Variants in PPFIA2 observed in about 807,000 individuals in gnomAD.
PPFIA2 encodes the protein liprin-alpha-2.
PPFIA2 carries 46 observed loss-of-function variants against 175.5 expected under a neutral mutation model. The ratio of observed to expected loss-of-function variants is 0.26; its 90% confidence interval spans 0.21 to 0.34. The LOEUF is 0.34. Among genes scored for constraint, PPFIA2 ranks in the 10% least tolerant of loss-of-function variants. PPFIA2 has a pLI of 1.00. For missense variants in PPFIA2, 1,179 were observed against 1,506.1 expected, an observed-to-expected ratio of 0.78 and a Z score of 3.60; for synonymous variants, 568 against 511.4, an observed-to-expected ratio of 1.11 and a Z score of -1.49.
At chr12:81,343,671 G>A (rs532353806) in intron 19 of PPFIA2, among the ~76,000 whole-genome samples, 23 of 152,144 alleles carry the variant, frequency 1.5e-4, no homozygotes, top group Non-Finnish European at 2.9e-4. Context: ...TTCATCTGAT[G>A]TCCCATGAGT....
At chr12:81,650,454 A>AT (rs2066870070) in intron 4 of PPFIA2, among the ~76,000 whole-genome samples, 1 of 152,082 alleles carries the variant, frequency 6.6e-6, no homozygotes, top group African/African-American at 2.4e-5. Context: ...AGTATTTTTC[A>AT]TTTTTTTCTT....
intron 3 of PPFIA2, among the ~76,000 whole-genome samples, chr12:81,685,440 T>G (rs1199314965): frequency 6.6e-6 from 1 of 152,074 alleles, no homozygotes; most frequent in South Asian, 2.1e-4. Context: ...AGGGGAAATA[T>G]CTCTTTCTTT....
At chr12:81,492,652 G>A (rs779634788) in intron 4 of PPFIA2, among the ~76,000 whole-genome samples, 4 of 152,028 alleles carry the variant, frequency 2.6e-5, no homozygotes, top group Non-Finnish European at 5.9e-5. Flanking sequence ...GAAGCAGAAG[G>A]AGCCATGAAG....
chr12:81,587,142 T>C (rs1352869504), intron 4 of PPFIA2, among the ~76,000 whole-genome samples: 1 of 152,126 alleles, frequency 6.6e-6, no homozygotes, highest in Admixed American at 6.6e-5. Flanking sequence ...GTCATTGATA[T>C]GGTTTGCATC....
At chr12:81,574,644 A>G (rs1192393263) in intron 4 of PPFIA2, among the ~76,000 whole-genome samples, 1 of 151,620 alleles carries the variant, frequency 6.6e-6, no homozygotes, top group Admixed American at 6.6e-5. Context: ...CATGAATAAC[A>G]CAGGTGTAAA....
chr12:81,530,723 C>A, intron 4 of PPFIA2, among the ~76,000 whole-genome samples: 1 of 149,052 alleles, frequency 6.7e-6, no homozygotes. Context: ...CTGGATAAGC[C>A]CAGAGAAAAT....
At chr12:81,572,117 T>C (rs746741298) in intron 4 of PPFIA2, among the ~76,000 whole-genome samples, 1 of 152,082 alleles carries the variant, frequency 6.6e-6, no homozygotes, top group Non-Finnish European at 1.5e-5. Context: ...CTTGCTTTGT[T>C]AGGACATGTC....
chr12:81,319,147 TC>T (rs1242069584), intron 22 of PPFIA2, among the ~76,000 whole-genome samples: 1 of 151,800 alleles, frequency 6.6e-6, no homozygotes, highest in Admixed American at 6.6e-5. Context: ...GGGCTTCTGT[TC>T]TACTCACTTT....
chr12:81,641,699 C>A (rs1374872519), intron 4 of PPFIA2, among the ~76,000 whole-genome samples: 1 of 152,128 alleles, frequency 6.6e-6, no homozygotes, highest in Non-Finnish European at 1.5e-5. Flanking sequence ...TATAAACAAG[C>A]CCAGCCAAGT....
intron 4 of PPFIA2, among the ~76,000 whole-genome samples, chr12:81,648,861 AT>A (rs1311040574): frequency 1.3e-5 from 2 of 152,082 alleles, no homozygotes; most frequent in African/African-American, 4.8e-5. Context: ...TTTTGGCAAA[AT>A]ACTATGGTAA....
At chr12:81,526,215 A>T (rs1256869122) in intron 4 of PPFIA2, among the ~76,000 whole-genome samples, 1 of 152,112 alleles carries the variant, frequency 6.6e-6, no homozygotes, top group African/African-American at 2.4e-5. Context: ...CAGCATAGGG[A>T]TGTGATTTCA....
intron 4 of PPFIA2, among the ~76,000 whole-genome samples, chr12:81,588,446 T>C (rs1318889995): frequency 6.6e-6 from 1 of 152,038 alleles, no homozygotes; most frequent in Non-Finnish European, 1.5e-5. Context: ...TCTACTTCCA[T>C]GGCTTCCTCT....
chr12:81,415,830 T>C (rs1298072922), intron 7 of PPFIA2, among the ~76,000 whole-genome samples: 1 of 151,466 alleles, frequency 6.6e-6, no homozygotes, highest in Admixed American at 6.6e-5. Context: ...AGCTATACTT[T>C]GTCATTGTTA....
intron 9 of PPFIA2, among the ~76,000 whole-genome samples, chr12:81,382,977 C>G (rs536762558): frequency 2.0e-5 from 3 of 152,150 alleles, no homozygotes; most frequent in African/African-American, 7.2e-5. Flanking sequence ...CAAGTAAATA[C>G]GGATGAAAAC....
intron 4 of PPFIA2, among the ~76,000 whole-genome samples, chr12:81,468,572 C>A (rs1162285779): frequency 2.0e-5 from 3 of 152,196 alleles, no homozygotes; most frequent in African/African-American, 7.2e-5. Context: ...CACAAAATAG[C>A]ATTCGAGCTG....
intron 4 of PPFIA2, among the ~76,000 whole-genome samples, chr12:81,665,052 G>C (rs189481430): frequency 1.3e-5 from 2 of 152,034 alleles, no homozygotes; most frequent in African/African-American, 4.8e-5. Flanking sequence ...TGGGGGCAGG[G>C]GGGAGGGATA....
At chr12:81,445,868 C>T in intron 5 of PPFIA2, 148 bp from the exon 6 acceptor site, 6 of 647,320 alleles carry the variant, frequency 9.3e-6, no homozygotes, top group Admixed American at 3.4e-5. Flanking sequence ...GAAGCACAGA[C>T]CTGTTTAAAA....
intron 4 of PPFIA2, among the ~76,000 whole-genome samples, chr12:81,471,632 C>A (rs779929489): frequency 1.2e-4 from 19 of 152,084 alleles, no homozygotes; most frequent in Middle Eastern, 3.4e-3. Flanking sequence ...CTTCAAGATT[C>A]TGATTTTAAT....
At chr12:81,521,617 A>G (rs1271999782) in intron 4 of PPFIA2, among the ~76,000 whole-genome samples, 1 of 149,820 alleles carries the variant, frequency 6.7e-6, no homozygotes, top group African/African-American at 2.5e-5. Context: ...GGAGATCGAG[A>G]CCATCCTGGC....
Sources: gnomAD v4.1 joint callset for allele counts (sites outside exome capture counted in the v4.1 genomes callset) on GRCh38, gnomAD v4.1.1 for gene constraint, MANE v1.5 for transcripts, NCBI Gene and HGNC (gene_info 2026-07-23, HGNC 2026-07-21) for gene names.